Variants in ADCY2 observed in about 807,000 individuals in gnomAD.
ADCY2 encodes adenylate cyclase type 2.
ADCY2 carries 31 observed loss-of-function variants against 125.2 expected under a neutral mutation model. The observed-to-expected ratio is 0.25, with a 90% confidence interval of 0.19 to 0.33. The LOEUF (loss-of-function observed/expected upper bound fraction) is 0.33. ADCY2 is among the 10% of genes least tolerant of loss of function. The pLI is 1.00. For synonymous variants in ADCY2, 512 were observed against 548.4 expected (o/e 0.93, Z 0.93); for missense variants, 904 against 1,418.2 (o/e 0.64, Z 5.82).
chr5:7,407,617 A>G (rs1739549982), intron 1 of ADCY2, among the ~76,000 whole-genome samples: 1 of 152,142 alleles, frequency 6.6e-6, no homozygotes, highest in South Asian at 2.1e-4. Flanking sequence ...GAAAAGGTCG[A>G]TGGGCATCTG....
chr5:7,713,488 T>C (rs1741503114), intron 11 of ADCY2, among the ~76,000 whole-genome samples: 1 of 139,390 alleles, frequency 7.2e-6, no homozygotes, highest in South Asian at 2.3e-4. Flanking sequence ...AGTGAAACTG[T>C]GTCTCAGAAA....
chr5:7,544,665 C>G (rs1735095652), intron 3 of ADCY2, among the ~76,000 whole-genome samples: 1 of 152,272 alleles, frequency 6.6e-6, no homozygotes, highest in East Asian at 1.9e-4. Context: ...GGGGCCATGG[C>G]TCAGCTCACC....
At chr5:7,741,824 T>C (rs375570171) in intron 14 of ADCY2, among the ~76,000 whole-genome samples, 10 of 125,372 alleles carry the variant, frequency 8.0e-5, no homozygotes, top group African/African-American at 1.8e-4. Flanking sequence ...ACCATCACCA[T>C]CATCACCATC....
intron 4 of ADCY2, among the ~76,000 whole-genome samples, chr5:7,662,451 C>T (rs922259607): frequency 6.6e-6 from 1 of 152,190 alleles, no homozygotes; most frequent in African/African-American, 2.4e-5. Context: ...ACGGAAGTAG[C>T]CTGGTCAGTC....
chr5:7,764,054 C>G (rs1423217773), intron 16 of ADCY2, among the ~76,000 whole-genome samples: 1 of 152,162 alleles, frequency 6.6e-6, no homozygotes. Context: ...AGAGAACTGG[C>G]TTTTTAAATC....
intron 4 of ADCY2, among the ~76,000 whole-genome samples, chr5:7,651,158 C>A (rs1286021062): frequency 6.6e-6 from 1 of 152,056 alleles, no homozygotes; most frequent in Non-Finnish European, 1.5e-5. Context: ...CAAGCGTATC[C>A]GAGGCACCAA....
intron 2 of ADCY2, among the ~76,000 whole-genome samples, chr5:7,512,876 C>T (rs1412823526): frequency 6.6e-6 from 1 of 152,050 alleles, no homozygotes; most frequent in African/African-American, 2.4e-5. Context: ...GAGACCTGAA[C>T]TGCTGCTGAA....
At chr5:7,781,105 A>G (rs989011187) in intron 18 of ADCY2, among the ~76,000 whole-genome samples, 1 of 152,344 alleles carries the variant, frequency 6.6e-6, no homozygotes, top group Non-Finnish European at 1.5e-5. Flanking sequence ...TGTCTTCTCT[A>G]CTTCATAACT....
At chr5:7,635,466 A>G (rs998747522) in intron 4 of ADCY2, among the ~76,000 whole-genome samples, 3 of 152,190 alleles carry the variant, frequency 2.0e-5, no homozygotes, top group Non-Finnish European at 4.4e-5. Context: ...CTGGGGTTTG[A>G]GCTTGAGCAA....
chr5:7,751,914 C>T (rs1466516158), intron 15 of ADCY2, among the ~76,000 whole-genome samples: 1 of 152,060 alleles, frequency 6.6e-6, no homozygotes. Flanking sequence ...CCTTTGAGTC[C>T]ATCATTAAAA....
At chr5:7,626,129 A>T (rs752073886) in intron 3 of ADCY2, 38 bp from the exon 4 acceptor site, 1 of 1,584,738 alleles carries the variant, frequency 6.3e-7, no homozygotes, top group East Asian at 2.2e-5. Flanking sequence ...CAAGTGAGAA[A>T]CAGTTACCCT....
intron 15 of ADCY2, among the ~76,000 whole-genome samples, chr5:7,753,970 A>G (rs913139669): frequency 2.6e-5 from 4 of 152,180 alleles, no homozygotes; most frequent in Non-Finnish European, 5.9e-5. Context: ...CATTTGGCAT[A>G]AGTTTTAAAA....
intron 2 of ADCY2, among the ~76,000 whole-genome samples, chr5:7,474,317 T>C (rs1487003760): frequency 1.3e-5 from 2 of 152,220 alleles, no homozygotes; most frequent in Non-Finnish European, 2.9e-5. Context: ...GACTTGGCCC[T>C]GCTTTATGGT....
chr5:7,592,641 G>A (rs573101552), intron 3 of ADCY2, among the ~76,000 whole-genome samples: 4 of 152,288 alleles, frequency 2.6e-5, no homozygotes, highest in Non-Finnish European at 5.9e-5. Flanking sequence ...TTCCTTCCGT[G>A]TAATGATAAC....
chr5:7,626,122 G>T, intron 3 of ADCY2, 45 bp from the exon 4 acceptor site: 5 of 1,581,314 alleles, frequency 3.2e-6, no homozygotes, highest in Middle Eastern at 3.4e-4. Context: ...GTATTCACAA[G>T]TGAGAAACAG....
intron 17 of ADCY2, among the ~76,000 whole-genome samples, chr5:7,772,399 T>C (rs925679186): frequency 2.6e-5 from 4 of 152,238 alleles, no homozygotes; most frequent in Non-Finnish European, 5.9e-5. Flanking sequence ...TGGTCAAGGC[T>C]TTTAATTTAA....
At chr5:7,397,304 C>G (rs116117405) in intron 1 of ADCY2, among the ~76,000 whole-genome samples, 1 of 152,214 alleles carries the variant, frequency 6.6e-6, no homozygotes, top group South Asian at 2.1e-4. Context: ...ATCCTTGGCT[C>G]GCTCCCTTGA....
In ADCY2 at chr5:7,414,738, T is replaced by G; in HGVS notation, c.376T>G (p.Cys126Gly). 6.2e-7 allele frequency: 1 copy of G among 1,613,152 alleles called. No homozygotes were observed. The highest frequency in any genetic ancestry group is 8.5e-7 in the Non-Finnish European group (1 of 1,179,790). Residue 126 changes from cysteine to glycine, a missense_variant, in exon 2 of 25, where the codon TGT becomes GGT. Around this residue, in one of 7 missense-constraint regions of ADCY2, gnomAD observed 121 missense variants for 161.5 expected, o/e 0.75. Coordinates refer to ENST00000338316, the MANE Select transcript of ADCY2 (RefSeq NM_020546.3). Reference protein sequence around the residue: ...CLVAMGYLFMCFGGTVSPWDQ... With the variant: ...CLVAMGYLFMGFGGTVSPWDQ... ...TGTTGCCATGGGATACCTGTTCATG[T>G]GTTTTGGAGGCACCGTCTCTCCCTG...
At chr5:7,771,501 G>T (rs780373770) in intron 17 of ADCY2, among the ~76,000 whole-genome samples, 5 of 152,170 alleles carry the variant, frequency 3.3e-5, no homozygotes, top group Non-Finnish European at 7.3e-5. Context: ...TCCAGTGCGA[G>T]GTGTTGGTCT....
Sources: gnomAD v4.1 joint callset for allele counts (sites outside exome capture counted in the v4.1 genomes callset) on GRCh38, gnomAD v4.1.1 for gene constraint, gnomAD v4.1.1 regional missense constraint, MANE v1.5 for transcripts, NCBI Gene and HGNC (gene_info 2026-07-23, HGNC 2026-07-21) for gene names.